Variants in RALYL observed in about 807,000 individuals in gnomAD.
RALYL encodes RALY RNA binding protein like.
RALYL carries 29 observed loss-of-function variants against 35.1 expected under a neutral mutation model. The observed-to-expected ratio is 0.83, with a 90% confidence interval of 0.61 to 1.13. The LOEUF is 1.13. Among genes scored for constraint, RALYL ranks in the 50% most tolerant of loss-of-function variants. The pLI is 0.00. For synonymous variants in RALYL, 120 were observed against 127.6 expected, an observed-to-expected ratio of 0.94 and a Z score of 0.40; for missense variants, 359 against 360.4, an observed-to-expected ratio of 1.00 and a Z score of 0.03.
chr8:84,524,229 A>G (rs1177586990), intron 1 of RALYL, among the ~76,000 whole-genome samples: 1 of 152,186 alleles, frequency 6.6e-6, no homozygotes, highest in African/African-American at 2.4e-5. Context: ...TCCAGAATCT[A>G]CAATGAACTC....
Position 84,407,018 on chromosome 8 carries a change from CTATA to C in RALYL, c.-23-122266_-23-122263del, listed in dbSNP as rs5892918. ...TCTCTCTCCCTCTCTCTCTCTCTCT[CTATA>C]TATATATATATATACACACACACAC... On this transcript the variant is annotated intron_variant, in intron 1 of 8. Transcript: ENST00000521268. 9.4e-3 allele frequency among the ~76,000 whole-genome samples: 1,388 copies of C among 147,968 alleles called. 17 individuals are homozygous for C. The highest frequency in any genetic ancestry group is 0.031 in the African/African-American group (1,235 of 39,448).
At chr8:84,429,057 A>C (rs2132636438) in intron 1 of RALYL, among the ~76,000 whole-genome samples, 1 of 152,286 alleles carries the variant, frequency 6.6e-6, no homozygotes, top group South Asian at 2.1e-4. Context: ...ATCTAATGAA[A>C]GCCAAGCAAA....
intron 2 of RALYL, among the ~76,000 whole-genome samples, chr8:84,627,874 C>A (rs1177375051): frequency 1.3e-5 from 2 of 151,992 alleles, no homozygotes; most frequent in Admixed American, 6.6e-5. Context: ...CCTATCAAAT[C>A]TATTTCAAAT....
intron 1 of RALYL, among the ~76,000 whole-genome samples, chr8:84,425,173 CTCAGACTGCTGTGCTAGCAA>C (rs1411884798): frequency 1.3e-5 from 2 of 152,186 alleles, no homozygotes; most frequent in Non-Finnish European, 2.9e-5. Context: ...GCAGTTTGAT[CTCAGACTGCTGTGCTAGCAA>C]TCAGCGAGAT....
Position 84,687,147 on chromosome 8 carries a change from A to T in RALYL, c.257-87432A>T, listed in dbSNP as rs555180067. Among the ~76,000 whole-genome samples, 32 of 152,300 alleles carry T rather than the reference A, an allele frequency of 2.1e-4. No homozygotes were observed. In the South Asian group the frequency reaches 5.2e-3, roughly 25 times the overall value. On this transcript the variant is annotated intron_variant, in intron 2 of 8. Coordinates refer to ENST00000521268, the MANE Select transcript of RALYL (RefSeq NM_173848.7). Reference sequence around the variant, plus strand: ...TTAGAATTTTTAATTCAGCCAAAGAAATATTGTTCCTTGAGGTTTAACCTA... The same window carrying T: ...TTAGAATTTTTAATTCAGCCAAAGATATATTGTTCCTTGAGGTTTAACCTA...
intron 4 of RALYL, among the ~76,000 whole-genome samples, chr8:84,833,743 G>A (rs1321406789): frequency 6.6e-6 from 1 of 151,798 alleles, no homozygotes; most frequent in Non-Finnish European, 1.5e-5. Context: ...AGCAATATCT[G>A]GGAAGCCATA....
intron 1 of RALYL, among the ~76,000 whole-genome samples, chr8:84,342,234 T>G (rs1848922689): frequency 7.8e-6 from 1 of 127,990 alleles, no homozygotes; most frequent in Non-Finnish European, 1.6e-5. Flanking sequence ...GCAAAAATTG[T>G]TAACAATGCC....
chr8:84,423,185 A>C (rs1016641331), intron 1 of RALYL, among the ~76,000 whole-genome samples: 112 of 151,280 alleles, frequency 7.4e-4, no homozygotes, highest in African/African-American at 2.7e-3. Context: ...TGGGAGTCTA[A>C]GTCTCTTTGT....
chr8:84,568,125 C>T (rs550356741), intron 2 of RALYL, among the ~76,000 whole-genome samples: 226 of 150,634 alleles, frequency 1.5e-3, no homozygotes, highest in Middle Eastern at 3.4e-3. Flanking sequence ...TGTATACATG[C>T]GCCATGTTGG....
At chr8:84,426,444 G>C (rs907074866) in intron 1 of RALYL, among the ~76,000 whole-genome samples, 20 of 149,436 alleles carry the variant, frequency 1.3e-4, no homozygotes, top group African/African-American at 3.9e-4. Flanking sequence ...CTCTCTGTGT[G>C]TGTGTGTGTG....
intron 2 of RALYL, among the ~76,000 whole-genome samples, chr8:84,712,080 C>A (rs1842281688): frequency 6.6e-6 from 1 of 152,074 alleles, no homozygotes; most frequent in South Asian, 2.1e-4. Context: ...TAAATTCAAT[C>A]TTTGATTTCT....
intron 1 of RALYL, among the ~76,000 whole-genome samples, chr8:84,225,399 G>C (rs1823630458): frequency 6.6e-6 from 1 of 152,154 alleles, no homozygotes; most frequent in Non-Finnish European, 1.5e-5. Context: ...TCCTTCAGCA[G>C]ATTTTCATTA....
At position 84,361,025 on chromosome 8, in the gene RALYL, C is replaced by G. The variant is rs796939263; in HGVS notation, c.-23-168274C>G. Among the ~76,000 whole-genome samples the G allele has an allele frequency of 2.7e-5, 4 of 150,686 alleles. No homozygotes were observed. In the South Asian group the frequency reaches 6.3e-4, roughly 24 times the overall value. On this transcript the variant is annotated intron_variant, in intron 1 of 8. Coordinates refer to ENST00000521268, the MANE Select transcript of RALYL (RefSeq NM_173848.7). The stretch of plus-strand genomic sequence containing the variant: ...TTTGCCATTTTAAGAATCAGTGTTT[C>G]TTGAGATGGATTAGTATTTCCTCTT...
intron 1 of RALYL, among the ~76,000 whole-genome samples, chr8:84,343,207 C>A (rs974863996): frequency 3.9e-5 from 6 of 152,020 alleles, no homozygotes; most frequent in African/African-American, 1.4e-4. Flanking sequence ...TAGGTTTATA[C>A]TATTAATGAG....
At chr8:84,257,663 T>A (rs1435004046) in intron 1 of RALYL, among the ~76,000 whole-genome samples, 1 of 151,972 alleles carries the variant, frequency 6.6e-6, no homozygotes, top group Non-Finnish European at 1.5e-5. Flanking sequence ...AGGCTAGGAG[T>A]AACTCTAGAG....
intron 2 of RALYL, among the ~76,000 whole-genome samples, chr8:84,567,285 A>T (rs921433086): frequency 6.6e-6 from 1 of 151,752 alleles, no homozygotes; most frequent in Non-Finnish European, 1.5e-5. Context: ...TTGCATAATG[A>T]TGGGGATTTG....
At chr8:84,333,730 G>C (rs1439905764) in intron 1 of RALYL, among the ~76,000 whole-genome samples, 1 of 152,126 alleles carries the variant, frequency 6.6e-6, no homozygotes, top group Non-Finnish European at 1.5e-5. Context: ...GAGAGTTGGA[G>C]ACTGTAATCC....
chr8:84,226,075 G>T (rs888859116), intron 1 of RALYL, among the ~76,000 whole-genome samples: 1 of 152,158 alleles, frequency 6.6e-6, no homozygotes. Flanking sequence ...ACAGCAGGGG[G>T]TGAGCTGCCA....
At chr8:84,712,729 C>A (rs1276775554) in intron 2 of RALYL, among the ~76,000 whole-genome samples, 2 of 152,108 alleles carry the variant, frequency 1.3e-5, no homozygotes, top group Non-Finnish European at 2.9e-5. Flanking sequence ...GCAGAGTATA[C>A]TTTATCACTT....
Sources: gnomAD v4.1 joint callset for allele counts (sites outside exome capture counted in the v4.1 genomes callset) on GRCh38, gnomAD v4.1.1 for gene constraint, MANE v1.5 for transcripts, NCBI Gene and HGNC (gene_info 2026-07-23, HGNC 2026-07-21) for gene names.